PLAC1: variants seen among roughly 807,000 people sequenced by gnomAD.
PLAC1 encodes placenta-specific protein 1.
For missense variants in PLAC1, 136 were observed against 163.2 expected, an observed-to-expected ratio of 0.83 and a Z score of 0.91; for synonymous variants, 68 against 62.1, an observed-to-expected ratio of 1.09 and a Z score of -0.44.
chrX:134,591,782 A>C (rs1026007945), intron 2 of PLAC1, among the ~76,000 whole-genome samples: 2 of 112,181 alleles, frequency 1.8e-5, no homozygotes, highest in Non-Finnish European at 3.8e-5. Context: ...TGAGAGATCC[A>C]GTTTCTCTAC....
chrX:134,604,389 G>T (rs1037438896), intron 1 of PLAC1: 1 of 112,179 alleles, frequency 8.9e-6, no homozygotes, highest in African/African-American at 3.2e-5. Flanking sequence ...TGTGTGACAG[G>T]AATCCCACTA....
intron 2 of PLAC1, among the ~76,000 whole-genome samples, chrX:134,703,701 T>C (rs1376182321): frequency 3.6e-5 from 4 of 110,231 alleles, no homozygotes; most frequent in African/African-American, 9.9e-5. Flanking sequence ...ATGGTGATAA[T>C]TGATATCTCA....
chrX:134,690,408 C>T (rs1385681716), intron 2 of PLAC1, among the ~76,000 whole-genome samples: 1 of 111,768 alleles, frequency 8.9e-6, no homozygotes, highest in East Asian at 2.8e-4. Flanking sequence ...GGTTTTCAAA[C>T]ATGGCTGATT....
chrX:134,586,115 GA>G (rs200030286), intron 2 of PLAC1, among the ~76,000 whole-genome samples: 12 of 108,843 alleles, frequency 1.1e-4, no homozygotes, highest in African/African-American at 2.7e-4. Flanking sequence ...CCATTTCTGT[GA>G]AAAAAAAAAT....
chrX:134,644,625 G>A (rs1443044676), intron 1 of PLAC1, among the ~76,000 whole-genome samples: 1 of 106,782 alleles, frequency 9.4e-6, no homozygotes, highest in Non-Finnish European at 1.9e-5. Flanking sequence ...CCCAGTGTAC[G>A]TTGTTCCTCT....
chrX:134,578,578 G>A (rs187225502), intron 2 of PLAC1, among the ~76,000 whole-genome samples: 26 of 88,852 alleles, frequency 2.9e-4, no homozygotes, highest in African/African-American at 1.0e-3. Context: ...GAGTGTAGTC[G>A]TGCAATCACA....
chrX:134,732,733 G>A (rs1487189359), intron 2 of PLAC1, among the ~76,000 whole-genome samples: 2 of 112,181 alleles, frequency 1.8e-5, no homozygotes, highest in African/African-American at 6.5e-5. Flanking sequence ...AGTCAGGAAC[G>A]GATCCTACCT....
chrX:134,630,919 T>C (rs997774086), intron 1 of PLAC1, among the ~76,000 whole-genome samples: 1 of 111,798 alleles, frequency 8.9e-6, no homozygotes, highest in African/African-American at 3.3e-5. Flanking sequence ...GGAATCCTCA[T>C]GTCTATTACA....
chrX:134,742,830 A>C (rs2078720378), intron 1 of PLAC1, among the ~76,000 whole-genome samples: 2 of 111,344 alleles, frequency 1.8e-5, no homozygotes, highest in African/African-American at 6.5e-5. Flanking sequence ...TTTAGGGTGT[A>C]AGCTACAGCA....
At chrX:134,670,658 C>CTGGT (rs1457732508) in intron 2 of PLAC1, among the ~76,000 whole-genome samples, 7 of 111,866 alleles carry the variant, frequency 6.3e-5, no homozygotes, top group Non-Finnish European at 1.9e-5. Context: ...CACAGAATGA[C>CTGGT]TGGTCATTTT....
chrX:134,631,938 G>A (rs898122720), intron 1 of PLAC1, among the ~76,000 whole-genome samples: 6 of 112,035 alleles, frequency 5.4e-5, no homozygotes, highest in African/African-American at 2.0e-4. Context: ...GAAAAGTTCC[G>A]TGGTTTTCTC....
intron 2 of PLAC1, among the ~76,000 whole-genome samples, chrX:134,574,081 C>G (rs762563809): frequency 7.3e-4 from 75 of 103,341 alleles, no homozygotes; most frequent in Non-Finnish European, 1.2e-3. Flanking sequence ...GTCTCTCTCT[C>G]TCTCTCTCTC....
At chrX:134,707,586 G>A (rs2078609629) in intron 2 of PLAC1, among the ~76,000 whole-genome samples, 1 of 111,884 alleles carries the variant, frequency 8.9e-6, no homozygotes, top group African/African-American at 3.2e-5. Context: ...GGGGTGTTTG[G>A]TTTTCTGTCC....
intron 2 of PLAC1, among the ~76,000 whole-genome samples, chrX:134,583,964 C>A (rs771427402): frequency 9.2e-6 from 1 of 108,971 alleles, no homozygotes; most frequent in Non-Finnish European, 1.9e-5. Flanking sequence ...AGCCCAGGCC[C>A]ATGCCTGAAA....
At chrX:134,582,277 C>A (rs2077978628) in intron 2 of PLAC1, among the ~76,000 whole-genome samples, 1 of 111,805 alleles carries the variant, frequency 8.9e-6, no homozygotes, top group Admixed American at 9.5e-5. Context: ...TGGAACACAC[C>A]CTCACTAGTG....
intron 1 of PLAC1, among the ~76,000 whole-genome samples, chrX:134,737,953 G>A (rs898846461): frequency 2.7e-5 from 3 of 111,732 alleles, no homozygotes; most frequent in Non-Finnish European, 5.6e-5. Flanking sequence ...AGGGGAGGGC[G>A]AGGCTGATGC....
intron 2 of PLAC1, among the ~76,000 whole-genome samples, chrX:134,570,984 G>GA (rs1231931101): frequency 8.9e-6 from 1 of 111,792 alleles, no homozygotes; most frequent in Admixed American, 9.5e-5. Context: ...ATTAAGTTCA[G>GA]AAAAATGCCA....
At chrX:134,570,915 C>T (rs1052822172) in intron 2 of PLAC1, among the ~76,000 whole-genome samples, 3 of 112,196 alleles carry the variant, frequency 2.7e-5, no homozygotes, top group African/African-American at 9.7e-5. Flanking sequence ...TAAAACATTT[C>T]ATTTTGGGAA....
chrX:134,745,066 G>A (rs2078726182), intron 1 of PLAC1, among the ~76,000 whole-genome samples: 1 of 111,240 alleles, frequency 9.0e-6, no homozygotes, highest in Admixed American at 9.6e-5. Context: ...AAATCCAGAG[G>A]CACATGGCTT....
Sources: gnomAD v4.1 joint callset for allele counts (sites outside exome capture counted in the v4.1 genomes callset) on GRCh38, gnomAD v4.1.1 for gene constraint, MANE v1.5 for transcripts, NCBI Gene and HGNC (gene_info 2026-07-23, HGNC 2026-07-21) for gene names.